The following CCDC110 variants were observed in gnomAD, a reference collection of about 807,000 sequenced individuals.
CCDC110 encodes the protein coiled-coil domain containing 110.
In CCDC110, 70 loss-of-function variants were observed where a neutral mutation model predicts 77.1. That is an observed-to-expected ratio of 0.91 (90% confidence interval 0.75 to 1.11). The LOEUF (loss-of-function observed/expected upper bound fraction) is 1.11. Ranked by LOEUF, CCDC110 falls within the 50% of genes least tolerant of loss-of-function variation. CCDC110 has a pLI of 0.00. For missense variants in CCDC110, 868 were observed against 942.9 expected (o/e 0.92, Z 1.04); for synonymous variants, 295 against 312.5 (o/e 0.94, Z 0.59).
intron 5 of CCDC110, 59 bp downstream of exon 5, chr4:185,460,990 G>T: frequency 3.3e-6 from 1 of 300,884 alleles, no homozygotes. Flanking sequence ...GAAATGAACT[G>T]ATGGTAGTCA....
intron 2 of CCDC110, among the ~76,000 whole-genome samples, chr4:185,463,361 C>A (rs2095649858): frequency 6.6e-6 from 1 of 152,080 alleles, no homozygotes; most frequent in East Asian, 1.9e-4. Flanking sequence ...TCAAAAAAAA[C>A]CTAATAATGC....
rs766602894 is a variant in CCDC110 at position 185,459,105 on chromosome 4, T to C, written c.1482A>G (p.Leu494=). The change falls in exon 6 of 7, where the codon TTA becomes TTG. Residue 494 remains leucine (L), a synonymous_variant. Transcript: ENST00000307588. ...CTTTGCTGTATTCTTCTGTTTTACT[T>C]AACTTAGACTGAATAGTACTCTTTT... The part of the protein sequence containing the change: ...VEEKSTIQSK[L]SKTEEYSKEC... The C allele has an allele frequency of 1.9e-6, 3 of 1,589,344 alleles. No homozygotes were observed. The highest frequency in any genetic ancestry group is 2.6e-6 in the Non-Finnish European group (3 of 1,165,240).
At chr4:185,448,015 G>T (rs190444967) in intron 6 of CCDC110, among the ~76,000 whole-genome samples, 1 of 152,016 alleles carries the variant, frequency 6.6e-6, no homozygotes, top group East Asian at 1.9e-4. Context: ...TTGGAAATAC[G>T]TTTTGTCTTT....
At chr4:185,452,803 G>A (rs549183812) in intron 6 of CCDC110, among the ~76,000 whole-genome samples, 6 of 149,792 alleles carry the variant, frequency 4.0e-5, no homozygotes, top group Non-Finnish European at 7.4e-5. Context: ...GCTGAGGCAG[G>A]AGAATTGCTT....
At chr4:185,451,389 T>C (rs906598169) in intron 6 of CCDC110, among the ~76,000 whole-genome samples, 4 of 152,316 alleles carry the variant, frequency 2.6e-5, no homozygotes, top group South Asian at 2.1e-4. Flanking sequence ...CTCCCCACTT[T>C]TTTTAAGTGG....
In CCDC110 at chr4:185,460,078, A is replaced by T; in HGVS notation, c.509T>A (p.Leu170Ter). The T allele has an allele frequency of 6.2e-7, 1 of 1,613,832 alleles. No homozygotes were observed. Among genetic ancestry groups the T allele is most frequent in the Non-Finnish European group, 8.5e-7 (1 of 1,179,914 alleles). The change falls in exon 6 of 7, where the codon TTA (leucine) becomes TAA (stop). Residue 170 changes from leucine (L) to a stop codon, truncating the protein, a stop_gained. Coordinates refer to ENST00000307588, the MANE Select transcript of CCDC110 (RefSeq NM_152775.4). LOFTEE classifies it high-confidence loss of function. Reference sequence around the variant, plus strand: ...ATTGTCTGTTGAAGTTCTCAGAGTTAATGTGTCCTCGGAATGTATCTGGGA... The same window carrying T: ...ATTGTCTGTTGAAGTTCTCAGAGTTTATGTGTCCTCGGAATGTATCTGGGA... ...VPSQIHSEDT[L>*]TLRTSTDNLS...
Position 185,460,193 on chromosome 4 carries a change from G to A in CCDC110, c.394C>T (p.His132Tyr), listed in dbSNP as rs750910707. ...EENLSMEKSH[H>Y]FEDSKTLHSV... The stretch of plus-strand genomic sequence containing the variant: ...TGAAGTGTCTTGGAATCCTCAAAAT[G>A]ATGACTTTTCTCCATAGAAAGGTTT... The change falls in exon 6 of 7, where the codon CAT becomes TAT. Residue 132 changes from histidine (H) to tyrosine (Y), a missense_variant. Physicochemically the swap from His to Tyr is moderately conservative, Grantham distance 83 (BLOSUM62 2). Transcript: ENST00000307588. 3 of 1,609,800 alleles carry A rather than the reference G, an allele frequency of 1.9e-6. No individual in the cohort carries two copies. The East Asian group carries it at 6.7e-5, about 36-fold the overall frequency.
chr4:185,465,380 C>A (rs2095653624), intron 2 of CCDC110, among the ~76,000 whole-genome samples: 2 of 152,174 alleles, frequency 1.3e-5, no homozygotes, highest in South Asian at 4.1e-4. Flanking sequence ...TACAGTAAAT[C>A]AAAGATTTCA....
chr4:185,464,382 T>G (rs1465586007), intron 2 of CCDC110, among the ~76,000 whole-genome samples: 1 of 152,142 alleles, frequency 6.6e-6, no homozygotes, highest in Non-Finnish European at 1.5e-5. Flanking sequence ...AGAGCGAGTC[T>G]GTCTGGATCT....
chr4:185,467,216 C>G (rs577851978), intron 2 of CCDC110, among the ~76,000 whole-genome samples: 2 of 152,318 alleles, frequency 1.3e-5, no homozygotes, highest in South Asian at 2.1e-4. Context: ...GAGTGTTTTT[C>G]TCCAGCAAAG....
At chr4:185,457,929 T>C (rs1308963945) in intron 6 of CCDC110, 197 bp downstream of exon 6, 1 of 615,482 alleles carries the variant, frequency 1.6e-6, no homozygotes, top group Non-Finnish European at 2.5e-6. Context: ...ACAATGCACA[T>C]AATATAAACA....
rs1200742623 is a variant in CCDC110 at position 185,463,621 on chromosome 4, T to TAA, written c.116-573_116-572insTT. ...CACTTCTTTACCAAGGGGACTCTTT[T>TAA]TAAAGTCCTCGTTCACAGCCTGTGC... On this transcript the variant is annotated intron_variant, in intron 2 of 6. Transcript: ENST00000307588. 5.3e-5 allele frequency among the ~76,000 whole-genome samples: 8 copies of TAA among 152,340 alleles called. No individual in the cohort carries two copies. The East Asian group carries it at 1.4e-3, about 26-fold the overall frequency.
rs141502123 is a variant in CCDC110, at chr4:185,458,203, T to A, written c.2384A>T (p.Glu795Val). ...PSKTTYISRR[E>V]KFHFDNYTHE... The stretch of plus-strand genomic sequence containing the variant: ...AGTATAGTTGTCAAAATGGAATTTC[T>A]CTCTTCTTGAAATGTAAGTTGTTTT... Residue 795 changes from glutamate to valine, a missense_variant, in exon 6 of 7, where the codon GAG becomes GTG. Glu to Val is a moderately radical substitution (Grantham distance 121, BLOSUM62 -2). Transcript: ENST00000307588. 1.9e-6 allele frequency: 3 copies of A among 1,606,476 alleles called. No individual in the cohort carries two copies. The highest frequency in any genetic ancestry group is 2.5e-6 in the Non-Finnish European group (3 of 1,178,054).
intron 6 of CCDC110, among the ~76,000 whole-genome samples, chr4:185,455,773 C>T (rs539061611): frequency 2.7e-4 from 41 of 152,160 alleles, no homozygotes; most frequent in Non-Finnish European, 5.6e-4. Flanking sequence ...ATCTCAGCTA[C>T]TCGGGAGGCT....
intron 2 of CCDC110, 170 bp downstream of exon 2, chr4:185,470,775 G>A (rs113893010): frequency 4.2e-6 from 3 of 706,636 alleles, no homozygotes; most frequent in Admixed American, 1.9e-5. Flanking sequence ...GAATTAAACA[G>A]TTGATCCATT....
chr4:185,451,805 CTG>C (rs2095629660), intron 6 of CCDC110, among the ~76,000 whole-genome samples: 2 of 152,174 alleles, frequency 1.3e-5, no homozygotes, highest in South Asian at 2.1e-4. Context: ...TCATTTTAAT[CTG>C]TCTTTATAGT....
At chr4:185,470,169 G>A (rs9999033) in intron 2 of CCDC110, among the ~76,000 whole-genome samples, 47,646 of 152,034 alleles carry the variant, frequency 0.31, 10,131 homozygotes, top group African/African-American at 0.61. Flanking sequence ...CCTGTAGTCC[G>A]TAAATATTTA....
intron 2 of CCDC110, among the ~76,000 whole-genome samples, chr4:185,467,385 G>C (rs974135731): frequency 2.6e-5 from 4 of 152,160 alleles, no homozygotes; most frequent in African/African-American, 9.7e-5. Flanking sequence ...GCAATACTTA[G>C]TCACACAGAA....
At chr4:185,463,157 A>C in intron 2 of CCDC110, 108 bp from the exon 3 acceptor site, 1 of 748,438 alleles carries the variant, frequency 1.3e-6, no homozygotes, top group Non-Finnish European at 2.3e-6. Context: ...AGGCAGAGAT[A>C]ATGAGAACTT....
Sources: gnomAD v4.1 joint callset for allele counts (sites outside exome capture counted in the v4.1 genomes callset) on GRCh38, gnomAD v4.1.1 for gene constraint, MANE v1.5 for transcripts, NCBI Gene and HGNC (gene_info 2026-07-23, HGNC 2026-07-21) for gene names.